The following CADPS variants were observed in gnomAD, a reference collection of about 807,000 sequenced individuals.
CADPS encodes calcium-dependent secretion activator 1.
Under a neutral mutation model 167.3 loss-of-function variants are expected in CADPS, and 57 were observed. The ratio of observed to expected loss-of-function variants is 0.34; its 90% CI spans 0.28 to 0.42. CADPS has a LOEUF of 0.42. CADPS is among the 20% of genes least tolerant of loss of function. CADPS has a pLI of 1.00. For missense variants in CADPS, 1,414 were observed against 1,738.1 expected (o/e 0.81, Z 3.32); for synonymous variants, 676 against 635.3 (o/e 1.06, Z -0.96).
At chr3:62,471,029 A>G (rs1325617054) in intron 24 of CADPS, among the ~76,000 whole-genome samples, 1 of 152,220 alleles carries the variant, frequency 6.6e-6, no homozygotes, top group Non-Finnish European at 1.5e-5. Flanking sequence ...AGTCCAAGAC[A>G]ACTTTCTGAT....
chr3:62,734,910 C>A (rs570791668), intron 3 of CADPS, among the ~76,000 whole-genome samples: 2 of 152,046 alleles, frequency 1.3e-5, no homozygotes, highest in African/African-American at 4.8e-5. Context: ...TGAAACATGG[C>A]TATTTGTAAA....
chr3:62,539,784 A>G (rs992970226), intron 11 of CADPS, among the ~76,000 whole-genome samples: 5 of 152,174 alleles, frequency 3.3e-5, no homozygotes, highest in African/African-American at 9.7e-5. Context: ...GCATATTTAT[A>G]TACTACATTG....
rs189010197 is a variant in CADPS at position 62,804,608 on chromosome 3, T to C, written c.442-38624A>G. On this transcript the variant is annotated intron_variant, in intron 1 of 29. Coordinates refer to ENST00000383710, the MANE Select transcript of CADPS (RefSeq NM_003716.4). ...AGAGATGAGAGCTGCAGTAACAACA[T>C]GTTTCAATATGTTGCTCCCTGGCGA... Among the ~76,000 whole-genome samples the C allele has an allele frequency of 3.5e-3, 483 of 138,954 alleles. 2 individuals are homozygous for C. The highest frequency in any genetic ancestry group is 6.9e-3 in the Middle Eastern group (2 of 288). 91.2% of individuals were successfully genotyped at this position (138,954 alleles called of 152,430 possible).
At chr3:62,658,451 T>C (rs1563459288) in intron 4 of CADPS, among the ~76,000 whole-genome samples, 1 of 152,126 alleles carries the variant, frequency 6.6e-6, no homozygotes, top group Non-Finnish European at 1.5e-5. Context: ...GCAATGATAG[T>C]ATGCATACTG....
intron 1 of CADPS, among the ~76,000 whole-genome samples, chr3:62,851,226 C>T (rs1230062091): frequency 7.1e-6 from 1 of 140,852 alleles, no homozygotes; most frequent in Non-Finnish European, 1.5e-5. Flanking sequence ...GACTCTTTAT[C>T]CAACTTGCCA....
intron 1 of CADPS, among the ~76,000 whole-genome samples, chr3:62,787,521 T>C (rs936460993): frequency 2.6e-5 from 4 of 152,192 alleles, no homozygotes; most frequent in Non-Finnish European, 5.9e-5. Flanking sequence ...ACTCGCCCTT[T>C]TAAATGTACA....
At chr3:62,515,142 T>A (rs1211966949) in intron 16 of CADPS, among the ~76,000 whole-genome samples, 1 of 152,104 alleles carries the variant, frequency 6.6e-6, no homozygotes, top group Non-Finnish European at 1.5e-5. Context: ...GTTAGTTTCT[T>A]TTCCCCCCAG....
rs2077963536 is a variant in CADPS at position 62,731,865 on chromosome 3, GGGTAATTC to G, written c.888+21568_888+21575del. ...GAAGAAAGGAAAGAAAGGAAAGAAA[GGGTAATTC>G]GTGCTGAAAACAAAAGGGCGCTGGG... On this transcript the variant is annotated intron_variant, in intron 3 of 29. Coordinates refer to ENST00000383710, the MANE Select transcript of CADPS (RefSeq NM_003716.4). Among the ~76,000 whole-genome samples, 22 of 136,478 alleles carry G rather than the reference GGGTAATTC, an allele frequency of 1.6e-4. No homozygotes were observed. In the South Asian group the frequency reaches 5.2e-3, roughly 33 times the overall value. The allele number at this position is 136,478 out of a possible 152,430, so 89.5% of individuals were successfully genotyped here.
At position 62,477,651 on chromosome 3, in the gene CADPS, A is replaced by G. The variant is rs145935677; in HGVS notation, c.3329+610T>C. ...ACAGCATTCCTAACCTAGTCCTAAA[A>G]GCCACAGTGACAAAACAGGGAATCT... is the stretch of plus-strand genomic sequence containing the variant. On this transcript the variant is annotated intron_variant, in intron 23 of 29. Coordinates refer to ENST00000383710, the MANE Select transcript of CADPS (RefSeq NM_003716.4). Among the ~76,000 whole-genome samples the G allele has an allele frequency of 2.1e-4, 32 of 152,294 alleles. 1 individual carries two copies. In the East Asian group the frequency reaches 6.0e-3, roughly 29 times the overall value.
intron 1 of CADPS, among the ~76,000 whole-genome samples, chr3:62,829,415 C>T (rs555620604): frequency 2.0e-5 from 3 of 152,148 alleles, no homozygotes; most frequent in African/African-American, 7.2e-5. Context: ...GAGACTTGAG[C>T]ATTTATAGAT....
chr3:62,555,702 C>T (rs2078024930), intron 10 of CADPS, among the ~76,000 whole-genome samples: 1 of 152,060 alleles, frequency 6.6e-6, no homozygotes, highest in African/African-American at 2.4e-5. Flanking sequence ...TCATATTGGC[C>T]CTTTAGCGTC....
chr3:62,629,401 G>A (rs1203550755), intron 6 of CADPS, among the ~76,000 whole-genome samples: 3 of 152,136 alleles, frequency 2.0e-5, no homozygotes, highest in African/African-American at 4.8e-5. Flanking sequence ...CTTTTACTCT[G>A]CATAATTTTT....
intron 3 of CADPS, among the ~76,000 whole-genome samples, chr3:62,663,917 C>G (rs576033798): frequency 2.0e-5 from 3 of 152,160 alleles, no homozygotes; most frequent in Non-Finnish European, 4.4e-5. Flanking sequence ...GCTAGGTATT[C>G]TAAGGCAGTA....
intron 6 of CADPS, among the ~76,000 whole-genome samples, chr3:62,611,830 AG>A (rs1247785390): frequency 6.6e-6 from 1 of 152,192 alleles, no homozygotes; most frequent in Non-Finnish European, 1.5e-5. Context: ...AGGATGATCT[AG>A]GAAGGCAAAG....
chr3:62,526,680 A>C lies in CADPS; in HGVS notation c.2291+6191T>G, dbSNP rs2072314544. ...ACATCTGTGGATTTTATGATCGCCA[A>C]ATGCAACCAGCTGAGCATACTCACA... On this transcript the variant is annotated intron_variant, in intron 13 of 29. Coordinates refer to ENST00000383710, the MANE Select transcript of CADPS (RefSeq NM_003716.4). 2.0e-5 allele frequency among the ~76,000 whole-genome samples: 3 copies of C among 152,188 alleles called. No individual in the cohort carries two copies. In the South Asian group the frequency reaches 6.2e-4, roughly 31 times the overall value.
chr3:62,517,282 T>C (rs1166216663), intron 14 of CADPS, among the ~76,000 whole-genome samples: 4 of 152,144 alleles, frequency 2.6e-5, no homozygotes, highest in Non-Finnish European at 4.4e-5. Context: ...GTCAGAACAC[T>C]GTGCATGGGA....
chr3:62,413,733 G>T (rs949281117), intron 28 of CADPS, among the ~76,000 whole-genome samples: 6 of 152,044 alleles, frequency 3.9e-5, no homozygotes, highest in African/African-American at 1.4e-4. Context: ...CTTAGAGATG[G>T]TTAAGACAGT....
chr3:62,825,484 T>G (rs1264188192), intron 1 of CADPS, among the ~76,000 whole-genome samples: 1 of 152,078 alleles, frequency 6.6e-6, no homozygotes, highest in Non-Finnish European at 1.5e-5. Context: ...CCCAGGTAAT[T>G]CCAATGCATG....
chr3:62,661,006 C>A (rs1168563307), intron 4 of CADPS, among the ~76,000 whole-genome samples: 5 of 152,074 alleles, frequency 3.3e-5, no homozygotes, highest in Non-Finnish European at 5.9e-5. Flanking sequence ...ACTGAAATAT[C>A]CTTGGAGGGC....
Sources: gnomAD v4.1 joint callset for allele counts (sites outside exome capture counted in the v4.1 genomes callset) on GRCh38, gnomAD v4.1.1 for gene constraint, MANE v1.5 for transcripts, NCBI Gene and HGNC (gene_info 2026-07-23, HGNC 2026-07-21) for gene names.